Variants in FYB1 observed in about 807,000 individuals in gnomAD.
FYB1 encodes FYN binding protein 1.
Under a neutral mutation model 94.1 loss-of-function variants are expected in FYB1, and 41 were observed. The ratio of observed to expected loss-of-function variants is 0.44; its 90% CI spans 0.34 to 0.57. The LOEUF (loss-of-function observed/expected upper bound fraction) is 0.57. Ranked by LOEUF, FYB1 falls within the 20% of genes least tolerant of loss-of-function variation. The pLI, the probability that FYB1 is intolerant of heterozygous loss-of-function variation, is 0.02. For missense variants in FYB1, 1,050 were observed against 976.8 expected (o/e 1.07, Z -1.00); for synonymous variants, 367 against 353.2 (o/e 1.04, Z -0.44).
At chr5:39,114,729 G>A (rs1361503587) in intron 16 of FYB1, among the ~76,000 whole-genome samples, 2 of 152,156 alleles carry the variant, frequency 1.3e-5, no homozygotes, top group African/African-American at 4.8e-5. Flanking sequence ...CTTTCTGTGA[G>A]TATCTGTATG....
At chr5:39,243,475 G>T (rs1751314572) in intron 1 of FYB1, among the ~76,000 whole-genome samples, 1 of 151,666 alleles carries the variant, frequency 6.6e-6, no homozygotes, top group Non-Finnish European at 1.5e-5. Flanking sequence ...ATTTCTGAGG[G>T]CTCTGTTCTG....
intron 3 of FYB1, among the ~76,000 whole-genome samples, chr5:39,146,213 C>T (rs1287890394): frequency 6.6e-6 from 1 of 152,146 alleles, no homozygotes; most frequent in Non-Finnish European, 1.5e-5. Flanking sequence ...CTGCACCTGG[C>T]CTCCATTCTT....
chr5:39,251,373 C>T (rs562118347), intron 1 of FYB1, among the ~76,000 whole-genome samples: 2 of 152,118 alleles, frequency 1.3e-5, no homozygotes, highest in Admixed American at 1.3e-4. Flanking sequence ...AATAAGTAGC[C>T]CTTCATTGCC....
intron 2 of FYB1, among the ~76,000 whole-genome samples, chr5:39,181,773 G>GT (rs1389755430): frequency 6.6e-6 from 1 of 152,090 alleles, no homozygotes; most frequent in Non-Finnish European, 1.5e-5. Context: ...ATTTTCTAGT[G>GT]TAAGTATCTC....
intron 3 of FYB1, among the ~76,000 whole-genome samples, chr5:39,150,721 C>T (rs1208493126): frequency 6.6e-6 from 1 of 152,172 alleles, no homozygotes; most frequent in Non-Finnish European, 1.5e-5. Flanking sequence ...TTTTGTCTCT[C>T]TCTTCAAAAT....
chr5:39,218,156 C>T (rs1750021186), intron 1 of FYB1, among the ~76,000 whole-genome samples: 1 of 152,206 alleles, frequency 6.6e-6, no homozygotes, highest in South Asian at 2.1e-4. Flanking sequence ...ACAATAATTT[C>T]TCAAGGGAAA....
chr5:39,246,266 A>T (rs748452076), intron 1 of FYB1, among the ~76,000 whole-genome samples: 2 of 152,192 alleles, frequency 1.3e-5, no homozygotes, highest in Non-Finnish European at 2.9e-5. Context: ...GACTTCATCC[A>T]TCTGTCCACT....
chr5:39,135,078 C>A, intron 7 of FYB1, 64 bp from the exon 8 acceptor site: 1 of 1,553,048 alleles, frequency 6.4e-7, no homozygotes, highest in Non-Finnish European at 8.8e-7. Context: ...TTAAGGAATG[C>A]AATTTTGAAA....
rs766831131 is a variant in FYB1, at chr5:39,202,601, C to T, written c.360G>A (p.Leu120=). 1.9e-6 allele frequency: 3 copies of T among 1,613,748 alleles called. No individual in the cohort carries two copies. The highest frequency in any genetic ancestry group is 2.2e-5 in the South Asian group (2 of 91,052). The change falls in exon 2 of 19, where the codon TTG becomes TTA. Residue 120 remains leucine, a synonymous_variant. Transcript: ENST00000512982. The part of the protein sequence containing the change: ...LKPVGPKPIN[L]PKEDSKPTFP... Reference sequence around the variant, plus strand: ...ATGTAGGTTTGGAATCTTCTTTGGGCAAGTTGATGGGCTTGGGGCCTACAG... The same window carrying T: ...ATGTAGGTTTGGAATCTTCTTTGGGTAAGTTGATGGGCTTGGGGCCTACAG...
intron 8 of FYB1, 109 bp downstream of exon 8, chr5:39,134,746 T>C (rs1241034998): frequency 2.7e-5 from 31 of 1,145,022 alleles, no homozygotes; most frequent in Non-Finnish European, 2.5e-6. Flanking sequence ...TTGTCCACTC[T>C]GTAAAGTACT....
intron 7 of FYB1, among the ~76,000 whole-genome samples, chr5:39,136,786 T>G (rs1354481519): frequency 6.6e-6 from 1 of 152,182 alleles, no homozygotes; most frequent in East Asian, 1.9e-4. Context: ...TATATATAAA[T>G]CATTTTTAAA....
In FYB1 at chr5:39,239,546, C is replaced by A. The variant is rs148033737; in HGVS notation, c.-28+34857G>T. 6.5e-3 allele frequency among the ~76,000 whole-genome samples: 994 copies of A among 152,128 alleles called. 15 individuals carry two copies. The highest frequency in any genetic ancestry group is 0.023 in the African/African-American group (943 of 41,512). On this transcript the variant is annotated intron_variant, in intron 1 of 1. Coordinates refer to the FYB1 transcript ENST00000510188. ...TAAGCTGAGAGCCAAATCAAGAATG[C>A]AATCCTATTCACAATAGCCACAAAA...
chr5:39,240,417 C>T (rs182193672), intron 1 of FYB1, among the ~76,000 whole-genome samples: 118 of 152,270 alleles, frequency 7.7e-4, no homozygotes, highest in Non-Finnish European at 2.1e-4. Context: ...TGTTTGCAAA[C>T]TATGCACCTG....
At chr5:39,124,940 C>CACACACACGT (rs1740496088) in intron 12 of FYB1, among the ~76,000 whole-genome samples, 1 of 151,546 alleles carries the variant, frequency 6.6e-6, no homozygotes, top group Admixed American at 6.6e-5. Flanking sequence ...CACACACACA[C>CACACACACGT]ACACACACAC....
At chr5:39,180,627 C>T (rs1187924079) in intron 2 of FYB1, among the ~76,000 whole-genome samples, 3 of 152,174 alleles carry the variant, frequency 2.0e-5, no homozygotes, top group Non-Finnish European at 4.4e-5. Flanking sequence ...GGAAGCAGAG[C>T]TATTTTAGCA....
At chr5:39,127,059 C>CAAAAAAAAAAAAAAAAAAAAA (rs200980181) in intron 11 of FYB1, among the ~76,000 whole-genome samples, 1 of 77,484 alleles carries the variant, frequency 1.3e-5, no homozygotes, top group Non-Finnish European at 2.7e-5. Flanking sequence ...ACTCAGGTCT[C>CAAAAAAAAAAAAAAAAAAAAA]AAAAAAAAAA....
At chr5:39,110,472 A>G in intron 16 of FYB1, 83 bp from the exon 17 acceptor site, 1 of 853,110 alleles carries the variant, frequency 1.2e-6, no homozygotes, top group Non-Finnish European at 1.9e-6. Context: ...TCAAAACACA[A>G]GAGAGTAATC....
intron 16 of FYB1, among the ~76,000 whole-genome samples, chr5:39,116,065 G>T (rs1739536316): frequency 6.6e-6 from 1 of 152,198 alleles, no homozygotes; most frequent in Admixed American, 6.5e-5. Context: ...GTTTCCCACT[G>T]GATGGGATAA....
chr5:39,247,455 A>C lies in FYB1; in HGVS notation c.-28+26948T>G, dbSNP rs1349970914. 2.0e-5 allele frequency among the ~76,000 whole-genome samples: 3 copies of C among 152,090 alleles called. No homozygotes were observed. The East Asian group carries it at 5.8e-4, about 29-fold the overall frequency. ...TACCATTTACCTTCAGCTCTTATTC[A>C]AAGGTTGTTAGACATAAGAAGAATA... is the stretch of plus-strand genomic sequence containing the variant. On this transcript the variant is annotated intron_variant, in intron 1 of 1. Transcript: ENST00000510188.
Sources: allele counts gnomAD v4.1 joint callset (sites outside exome capture counted in the v4.1 genomes callset), GRCh38; gene constraint gnomAD v4.1.1; transcripts MANE v1.5; gene names NCBI Gene and HGNC (gene_info 2026-07-23, HGNC 2026-07-21).